FGF13: variants seen among roughly 807,000 people sequenced by gnomAD.
FGF13 encodes the protein fibroblast growth factor 13.
Under a neutral mutation model 19.5 loss-of-function variants are expected in FGF13, and 2 were observed. That is an observed-to-expected ratio of 0.10 (90% confidence interval 0.04 to 0.32). FGF13 has a LOEUF of 0.32. FGF13 is among the 10% of genes least tolerant of loss of function. The probability of loss-of-function intolerance (pLI) is 1.00; values close to 1 mark genes in which losing one functional copy is unlikely to be tolerated. For missense variants in FGF13, 113 were observed against 192.7 expected (o/e 0.59, Z 2.45); for synonymous variants, 72 against 76.9 (o/e 0.94, Z 0.33).
At chrX:139,050,545 T>C (rs1271706263) in intron 1 of FGF13, among the ~76,000 whole-genome samples, 1 of 111,721 alleles carries the variant, frequency 9.0e-6, no homozygotes, top group Non-Finnish European at 1.9e-5. Context: ...CTGATAAAAA[T>C]GGATAAATGC....
At chrX:139,185,484 T>C (rs2084275487) in intron 1 of FGF13, among the ~76,000 whole-genome samples, 1 of 112,121 alleles carries the variant, frequency 8.9e-6, no homozygotes, top group Non-Finnish European at 1.9e-5. Flanking sequence ...AGTTGTAGTT[T>C]TGGCTTTTAC....
intron 1 of FGF13, among the ~76,000 whole-genome samples, chrX:139,119,999 G>C (rs4829961): frequency 1.8e-5 from 2 of 111,219 alleles, no homozygotes; most frequent in South Asian, 7.7e-4. Flanking sequence ...CGGATCATGG[G>C]GGCAGTTTCC....
intron 1 of FGF13, among the ~76,000 whole-genome samples, chrX:139,021,024 T>C (rs940759525): frequency 2.7e-5 from 3 of 111,382 alleles, no homozygotes; most frequent in Non-Finnish European, 5.7e-5. Flanking sequence ...ATGAAATATA[T>C]TGTAAAATAT....
intron 3 of FGF13, among the ~76,000 whole-genome samples, chrX:138,776,784 C>T (rs746124626): frequency 2.7e-5 from 3 of 111,651 alleles, no homozygotes; most frequent in African/African-American, 9.8e-5. Flanking sequence ...TTTGGGACCT[C>T]GCTCTGTTGA....
chrX:138,692,901 T>C (rs1037648278), intron 3 of FGF13, among the ~76,000 whole-genome samples: 1 of 110,972 alleles, frequency 9.0e-6, no homozygotes, highest in Non-Finnish European at 1.9e-5. Context: ...CCATGACCTC[T>C]AATTTGGATT....
At chrX:139,186,218 G>A (rs1352068128) in intron 1 of FGF13, among the ~76,000 whole-genome samples, 1 of 111,719 alleles carries the variant, frequency 9.0e-6, no homozygotes, top group Non-Finnish European at 1.9e-5. Flanking sequence ...ATGAAAAAAA[G>A]AAGATGCAAA....
At chrX:138,875,157 G>A (rs910525608) in intron 1 of FGF13, among the ~76,000 whole-genome samples, 2 of 107,604 alleles carry the variant, frequency 1.9e-5, no homozygotes, top group South Asian at 4.3e-4. Flanking sequence ...ACTTGAACCC[G>A]GGAGGCGAAG....
intron 3 of FGF13, among the ~76,000 whole-genome samples, chrX:138,684,199 A>G (rs1255692939): frequency 1.8e-5 from 2 of 111,864 alleles, no homozygotes; most frequent in Admixed American, 9.5e-5. Flanking sequence ...GAAATATATT[A>G]TACACTATCA....
intron 1 of FGF13, among the ~76,000 whole-genome samples, chrX:139,063,412 G>A (rs1390519607): frequency 3.6e-5 from 4 of 111,011 alleles, no homozygotes; most frequent in Non-Finnish European, 7.6e-5. Flanking sequence ...TAGTTAGGAC[G>A]GCAATTATAA....
upstream of FGF13, among the ~76,000 whole-genome samples, chrX:138,741,428 AG>A (rs34656521): frequency 1.7e-3 from 195 of 111,586 alleles, no homozygotes; most frequent in Non-Finnish European, 2.8e-3. Context: ...ATTGCAAGTC[AG>A]GTAAAATTTA....
chrX:138,711,337 G>A lies in FGF13; in HGVS notation c.-334C>T, dbSNP rs1296628934. 1.4e-6 allele frequency: 1 copy of A among 691,810 alleles called. No homozygotes were observed. The highest frequency in any genetic ancestry group is 6.5e-5 in the African/African-American group (1 of 15,294). 57.0% of individuals were successfully genotyped at this position (691,810 alleles called of 1,213,427 possible). A position where few individuals can be genotyped will look rare whatever the true frequency, so the allele number is the denominator to read the frequency against. Reference sequence around the variant, plus strand: ...GTGTGGTCGGCCCCTGCGCCCGGCGGACACCGTGCATGTCCAGCTGCTCCG... The same window carrying A: ...GTGTGGTCGGCCCCTGCGCCCGGCGAACACCGTGCATGTCCAGCTGCTCCG... On this transcript the variant is annotated 5_prime_UTR_variant, in exon 1 of 5. Transcript: ENST00000315930.
At position 138,768,691 on chromosome X, in the gene FGF13, TAA is replaced by T. The variant is rs60573529; in HGVS notation, c.218-59765_218-59764del. ...TATATATATATATCATACTTATATA[TAA>T]GTATATATTATATATATATATATAA... On this transcript the variant is annotated intron_variant, in intron 3 of 6. Transcript: ENST00000436198. 4.7e-3 allele frequency among the ~76,000 whole-genome samples: 472 copies of T among 100,258 alleles called. 6 individuals are homozygous for T. The highest frequency in any genetic ancestry group is 0.017 in the African/African-American group (448 of 26,165). The allele number at this position is 100,258 out of a possible 115,157, so 87.1% of individuals were successfully genotyped here.
intron 1 of FGF13, among the ~76,000 whole-genome samples, chrX:138,974,548 C>T (rs1344488546): frequency 8.9e-6 from 1 of 112,314 alleles, no homozygotes; most frequent in Non-Finnish European, 1.9e-5. Context: ...TACCTTTCAA[C>T]AGCCTTTTCA....
intron 3 of FGF13, among the ~76,000 whole-genome samples, chrX:138,682,499 C>A (rs1352274469): frequency 8.9e-6 from 1 of 111,943 alleles, no homozygotes; most frequent in Non-Finnish European, 1.9e-5. Flanking sequence ...TTTAATTTGC[C>A]CCCTACAGTG....
At position 139,176,066 on chromosome X, in the gene FGF13, C is replaced by T. The variant is rs915826162; in HGVS notation, c.-113+27350G>A. ...TTGGTTGGTAGGCTATTAATTACTG[C>T]CTCGATTTCAGAACTTGTCATTGGT... On this transcript the variant is annotated intron_variant, in intron 1 of 2. Transcript: ENST00000421460. Among the ~76,000 whole-genome samples, 9 of 111,754 alleles carry T rather than the reference C, an allele frequency of 8.1e-5. 1 individual carries two copies. In the Admixed American group the frequency reaches 8.5e-4, roughly 11 times the overall value.
chrX:139,130,143 G>C (rs1401825034), intron 1 of FGF13, among the ~76,000 whole-genome samples: 2 of 111,688 alleles, frequency 1.8e-5, no homozygotes, highest in Non-Finnish European at 3.8e-5. Context: ...TACAAATTTT[G>C]CTAGCAATTT....
chrX:138,867,831 A>G (rs868643836), intron 1 of FGF13, among the ~76,000 whole-genome samples: 1 of 82,825 alleles, frequency 1.2e-5, no homozygotes, highest in African/African-American at 4.6e-5. Context: ...CTATCTATCT[A>G]TCATCTATCT....
At chrX:139,111,325 C>T (rs182725694) in intron 1 of FGF13, among the ~76,000 whole-genome samples, 21 of 111,679 alleles carry the variant, frequency 1.9e-4, no homozygotes, top group African/African-American at 5.2e-4. Context: ...TGGAAGAGGA[C>T]GGGATATAAT....
intron 3 of FGF13, among the ~76,000 whole-genome samples, chrX:138,701,038 T>C (rs759849633): frequency 8.9e-6 from 1 of 112,507 alleles, no homozygotes; most frequent in Admixed American, 9.4e-5. Context: ...TGGGGGCACC[T>C]GACATATAAC....
Sources: gnomAD v4.1 joint callset for allele counts (sites outside exome capture counted in the v4.1 genomes callset) on GRCh38, gnomAD v4.1.1 for gene constraint, MANE v1.5 for transcripts, NCBI Gene and HGNC (gene_info 2026-07-23, HGNC 2026-07-21) for gene names.